The following TMC7 variants were observed in gnomAD, a reference collection of about 807,000 sequenced individuals.
TMC7 encodes transmembrane channel-like protein 7.
TMC7 carries 54 observed loss-of-function variants against 82.9 expected under a neutral mutation model. The observed-to-expected ratio is 0.65, with a 90% CI of 0.52 to 0.82. TMC7 has a LOEUF of 0.82. Ranked by LOEUF, TMC7 falls within the 40% of genes least tolerant of loss-of-function variation. The probability of loss-of-function intolerance (pLI) is 0.00; values close to 1 mark genes in which losing one functional copy is unlikely to be tolerated. For synonymous variants in TMC7, 350 were observed against 337.9 expected (o/e 1.04, Z -0.39); for missense variants, 820 against 901.2 (o/e 0.91, Z 1.15).
intron 1 of TMC7, among the ~76,000 whole-genome samples, chr16:19,003,196 A>G (rs1304512373): frequency 6.6e-6 from 1 of 152,194 alleles, no homozygotes; most frequent in Non-Finnish European, 1.5e-5. Flanking sequence ...AAAATTATCC[A>G]GGTGTAGTGG....
intron 5 of TMC7, among the ~76,000 whole-genome samples, chr16:19,025,757 C>CTT (rs1157353637): frequency 6.8e-6 from 1 of 146,442 alleles, no homozygotes. Context: ...GCCCCCCACC[C>CTT]TTTTTTTTTT....
chr16:19,030,477 A>C (rs1596765789), intron 6 of TMC7, 108 bp downstream of exon 6: 1 of 1,315,960 alleles, frequency 7.6e-7, no homozygotes, highest in Non-Finnish European at 1.0e-6. Context: ...GAGTCCAATG[A>C]TGGGTTTTGT....
chr16:19,049,215 C>G (rs12325108), intron 12 of TMC7, among the ~76,000 whole-genome samples: 135,296 of 152,116 alleles, frequency 0.89, 61,289 homozygotes, highest in Non-Finnish European at 0.97. Context: ...GTAGAGACAG[C>G]GTTTCACCAT....
intron 3 of TMC7, among the ~76,000 whole-genome samples, chr16:19,017,552 G>A (rs1181808380): frequency 1.3e-5 from 2 of 151,668 alleles, no homozygotes; most frequent in Non-Finnish European, 2.9e-5. Flanking sequence ...CCAGGTGGTG[G>A]TTCATGCCTG....
chr16:19,055,511 C>T (rs1197316819), intron 13 of TMC7, among the ~76,000 whole-genome samples: 5 of 152,180 alleles, frequency 3.3e-5, no homozygotes, highest in Non-Finnish European at 5.9e-5. Flanking sequence ...GCGCCCACCA[C>T]CATGCCCAGC....
intron 13 of TMC7, 80 bp downstream of exon 13, chr16:19,051,896 AC>A: frequency 6.5e-7 from 1 of 1,536,912 alleles, no homozygotes; most frequent in Non-Finnish European, 8.8e-7. Flanking sequence ...CCGTCATATC[AC>A]ATTTTTTTTT....
intron 4 of TMC7, 150 bp downstream of exon 4, chr16:19,021,946 C>T (rs1959998904): frequency 1.1e-6 from 1 of 905,704 alleles, no homozygotes; most frequent in South Asian, 1.8e-5. Context: ...AACAAGTGAC[C>T]CCATAATGCT....
intron 6 of TMC7, among the ~76,000 whole-genome samples, chr16:19,031,955 T>C (rs147937693): frequency 3.9e-5 from 6 of 152,328 alleles, no homozygotes; most frequent in African/African-American, 1.4e-4. Flanking sequence ...CACATGACTA[T>C]AGCCAACTGC....
chr16:19,045,573 C>A, intron 11 of TMC7, 135 bp downstream of exon 11: 1 of 549,106 alleles, frequency 1.8e-6, no homozygotes, highest in Non-Finnish European at 3.3e-6. Context: ...CCCTGGAAAT[C>A]TGACAACTGG....
At chr16:19,056,409 C>T in intron 13 of TMC7, 133 bp from the exon 14 acceptor site, 1 of 1,087,458 alleles carries the variant, frequency 9.2e-7, no homozygotes, top group Non-Finnish European at 1.3e-6. Context: ...TCGACTCAAA[C>T]ATTCCAGAAG....
chr16:19,006,120 C>T (rs2039235672), intron 1 of TMC7, among the ~76,000 whole-genome samples: 1 of 152,184 alleles, frequency 6.6e-6, no homozygotes, highest in South Asian at 2.1e-4. Flanking sequence ...GACCTTCTAC[C>T]CATGTGATCC....
rs551639788 is a variant in TMC7 at position 19,045,196 on chromosome 16, T to C, written c.1456-145T>C. The C allele has an allele frequency of 3.1e-5, 26 of 834,576 alleles. No individual in the cohort carries two copies. In the South Asian group the frequency reaches 4.0e-4, roughly 13 times the overall value. 51.7% of individuals were successfully genotyped at this position (834,576 alleles called of 1,614,324 possible). A position where few individuals can be genotyped will look rare whatever the true frequency, so the allele number is the denominator to read the frequency against. On this transcript the variant is annotated intron_variant, in intron 10 of 15. Transcript: ENST00000304381. ...AGGGCTTGGAAACCAAGGTCTGTGC[T>C]GAGGCTCAGAGTTTGCATCAGCTGA...
At chr16:19,014,191 G>A (rs1437509452) in intron 2 of TMC7, among the ~76,000 whole-genome samples, 1 of 151,998 alleles carries the variant, frequency 6.6e-6, no homozygotes. Context: ...GAGATTTGGG[G>A]CCAGATAGTT....
chr16:19,041,054 C>A (rs1960991177), intron 9 of TMC7, among the ~76,000 whole-genome samples: 1 of 151,590 alleles, frequency 6.6e-6, no homozygotes. Flanking sequence ...CCATGCCCAG[C>A]TAATTAAAAA....
chr16:19,004,835 C>T (rs2039207897), intron 1 of TMC7, among the ~76,000 whole-genome samples: 1 of 151,650 alleles, frequency 6.6e-6, no homozygotes, highest in South Asian at 2.1e-4. Context: ...AGTTATTAAT[C>T]TGTAACATGG....
At chr16:18,994,363 G>A (rs921001667) in intron 1 of TMC7, among the ~76,000 whole-genome samples, 1 of 151,852 alleles carries the variant, frequency 6.6e-6, no homozygotes, top group African/African-American at 2.4e-5. Context: ...GGACAGAAAG[G>A]CTACAGGGCG....
intron 1 of TMC7, 86 bp from the exon 2 acceptor site, chr16:19,009,086 T>C: frequency 6.8e-7 from 1 of 1,470,354 alleles, no homozygotes; most frequent in Non-Finnish European, 9.3e-7. Flanking sequence ...ATCTGCAAGG[T>C]TCAGTGATGA....
At chr16:19,044,829 G>A in intron 9 of TMC7, 55 bp from the exon 10 acceptor site, 2 of 1,266,542 alleles carry the variant, frequency 1.6e-6, no homozygotes, top group African/African-American at 3.0e-5. Flanking sequence ...AGTTCCAAGG[G>A]ACCAGCCACC....
chr16:19,034,378 G>C (rs1453650197), intron 6 of TMC7, among the ~76,000 whole-genome samples: 2 of 152,082 alleles, frequency 1.3e-5, no homozygotes, highest in South Asian at 4.1e-4. Context: ...GCGGATGGAT[G>C]ATGAGGTCAG....
Sources: gnomAD v4.1 joint callset for allele counts (sites outside exome capture counted in the v4.1 genomes callset) on GRCh38, gnomAD v4.1.1 for gene constraint, MANE v1.5 for transcripts, NCBI Gene and HGNC (gene_info 2026-07-23, HGNC 2026-07-21) for gene names.